ARL6IP5: variants seen among roughly 807,000 people sequenced by gnomAD.
The protein encoded by ARL6IP5 is ARF like GTPase 6 interacting protein 5.
Under a neutral mutation model 13.0 loss-of-function variants are expected in ARL6IP5, and 6 were observed. The ratio of observed to expected loss-of-function variants is 0.46; its 90% CI spans 0.25 to 0.91. ARL6IP5 has a LOEUF of 0.91. Among genes scored for constraint, ARL6IP5 ranks in the 40% least tolerant of loss-of-function variants. The pLI is 0.17. For missense variants in ARL6IP5, 208 were observed against 248.8 expected, an observed-to-expected ratio of 0.84 and a Z score of 1.10; for synonymous variants, 91 against 91.9, an observed-to-expected ratio of 0.99 and a Z score of 0.06.
At chr3:69,089,630 C>A (rs752799170) in intron 1 of ARL6IP5, among the ~76,000 whole-genome samples, 9 of 134,798 alleles carry the variant, frequency 6.7e-5, no homozygotes, top group Non-Finnish European at 9.6e-5. Flanking sequence ...CATAGTGAAA[C>A]CCTGTCTAAA....
chr3:69,090,069 G>A (rs2092260309), intron 1 of ARL6IP5: 1 of 243,594 alleles, frequency 4.1e-6, no homozygotes, highest in East Asian at 1.1e-4. Flanking sequence ...TAGGCCTGTG[G>A]CTCCCAGCAT....
chr3:69,086,182 A>G (rs2092246955), intron 1 of ARL6IP5, among the ~76,000 whole-genome samples: 1 of 152,166 alleles, frequency 6.6e-6, no homozygotes, highest in African/African-American at 2.4e-5. Context: ...CTGGCTTGGG[A>G]GAAAAGGGAG....
chr3:69,105,483 C>A lies in ARL6IP5; in HGVS notation c.*847C>A, dbSNP rs2092319740. On this transcript the variant is annotated 3_prime_UTR_variant, in exon 3 of 3. Transcript: ENST00000273258. The stretch of plus-strand genomic sequence containing the variant: ...CATTTTTGCATTGTTTCGTTTTTAA[C>A]TGGAACATTTAGAAAGAAGGAAATG... 6.6e-6 allele frequency: 1 copy of A among 152,138 alleles called. No individual in the cohort carries two copies. Among genetic ancestry groups the A allele is most frequent in the Admixed American group, 6.5e-5 (1 of 15,274 alleles). 9.4% of individuals were successfully genotyped at this position (152,138 alleles called of 1,614,324 possible).
At chr3:69,094,180 C>A (rs1377798304) in intron 1 of ARL6IP5, among the ~76,000 whole-genome samples, 1 of 152,170 alleles carries the variant, frequency 6.6e-6, no homozygotes, top group Non-Finnish European at 1.5e-5. Flanking sequence ...ACAAACCTGG[C>A]AGGTAGGCCA....
At chr3:69,103,172 C>T (rs1198453851) in intron 2 of ARL6IP5, among the ~76,000 whole-genome samples, 2 of 152,194 alleles carry the variant, frequency 1.3e-5, no homozygotes, top group African/African-American at 4.8e-5. Context: ...GAATTTTCTT[C>T]AGGTTTTCTG....
chr3:69,102,147 T>C (rs910324393), intron 2 of ARL6IP5, 91 bp downstream of exon 2: 6 of 1,390,088 alleles, frequency 4.3e-6, no homozygotes, highest in Non-Finnish European at 6.0e-6. Flanking sequence ...TTATATGTGT[T>C]GGCATGTCAG....
chr3:69,101,591 G>A (rs139109019), intron 1 of ARL6IP5, among the ~76,000 whole-genome samples: 509 of 152,158 alleles, frequency 3.3e-3, no homozygotes, highest in African/African-American at 0.012. Flanking sequence ...AAAGTGCTGG[G>A]ATTATAGGTG....
intron 1 of ARL6IP5, among the ~76,000 whole-genome samples, chr3:69,099,785 G>A (rs2107514507): frequency 6.6e-6 from 1 of 152,234 alleles, no homozygotes; most frequent in East Asian, 1.9e-4. Flanking sequence ...TCCTTCCCAA[G>A]TAAAGTCCTC....
chr3:69,094,609 T>C (rs1454865919), intron 1 of ARL6IP5, among the ~76,000 whole-genome samples: 2 of 152,136 alleles, frequency 1.3e-5, no homozygotes, highest in Admixed American at 6.5e-5. Context: ...AAATAGCTTT[T>C]TCGGCTAGAA....
At chr3:69,097,065 A>G (rs2092289621) in intron 1 of ARL6IP5, among the ~76,000 whole-genome samples, 2 of 152,146 alleles carry the variant, frequency 1.3e-5, no homozygotes, top group African/African-American at 4.8e-5. Flanking sequence ...ATGGCCATTG[A>G]AAAAAATATG....
chr3:69,086,010 C>T lies in ARL6IP5; in HGVS notation c.176+787C>T, dbSNP rs1252657471. Among the ~76,000 whole-genome samples, 3 of 152,202 alleles carry T rather than the reference C, an allele frequency of 2.0e-5. No individual in the cohort carries two copies. The East Asian group carries it at 5.8e-4, about 29-fold the overall frequency. ...CTAGTTCACCCTTTAAGAAATGCTT[C>T]TCTCGCTTATGCAGGATGGGTGGTG... On this transcript the variant is annotated intron_variant, in intron 1 of 2. Transcript: ENST00000273258.
intron 2 of ARL6IP5, among the ~76,000 whole-genome samples, chr3:69,102,768 G>C (rs547168969): frequency 6.6e-6 from 1 of 152,300 alleles, no homozygotes; most frequent in South Asian, 2.1e-4. Context: ...TTCTCCACTT[G>C]CTCAGGAGAT....
At position 69,084,967 on chromosome 3, in the gene ARL6IP5, A is replaced by G. The variant is rs2092242774; in HGVS notation, c.-81A>G. 1 of 1,534,760 alleles carries G rather than the reference A, an allele frequency of 6.5e-7. No individual in the cohort carries two copies. The highest frequency in any genetic ancestry group is 1.2e-5 in the South Asian group (1 of 81,360). ...GCCGACCGAGACGGAGCCGCTGTCA[A>G]CTCTCCAACTCAGCTCAGCTGATCG... On this transcript the variant is annotated 5_prime_UTR_variant, in exon 1 of 3. Coordinates refer to ENST00000273258, the MANE Select transcript of ARL6IP5 (RefSeq NM_006407.4).
chr3:69,101,271 C>T (rs937247793), intron 1 of ARL6IP5, among the ~76,000 whole-genome samples: 6 of 146,298 alleles, frequency 4.1e-5, no homozygotes, highest in African/African-American at 7.6e-5. Flanking sequence ...GGACCTCTAA[C>T]GAGATACTTT....
chr3:69,092,148 G>T (rs1164837757), intron 1 of ARL6IP5, among the ~76,000 whole-genome samples: 2 of 152,018 alleles, frequency 1.3e-5, no homozygotes, highest in Non-Finnish European at 2.9e-5. Context: ...AAACCTTCAG[G>T]CTAACAACTT....
At chr3:69,093,760 CAA>C (rs750066390) in intron 1 of ARL6IP5, among the ~76,000 whole-genome samples, 10 of 71,920 alleles carry the variant, frequency 1.4e-4, no homozygotes, top group Admixed American at 1.5e-4. Flanking sequence ...GATTCTGTCT[CAA>C]AAAAAAAAAA....
chr3:69,092,145 C>T lies in ARL6IP5; in HGVS notation c.176+6922C>T, dbSNP rs770548488. 3.0e-4 allele frequency among the ~76,000 whole-genome samples: 45 copies of T among 152,212 alleles called. 1 individual carries two copies. In the Middle Eastern group the frequency reaches 0.01, roughly 35 times the overall value. ...GCCCTGTAATTTTAGGCAAAACCTTCAGGCTAACAACTTCAGGTTTGCAAG... is the reference window on the plus strand; with the variant it reads ...GCCCTGTAATTTTAGGCAAAACCTTTAGGCTAACAACTTCAGGTTTGCAAG... On this transcript the variant is annotated intron_variant, in intron 1 of 2. Coordinates refer to ENST00000273258, the MANE Select transcript of ARL6IP5 (RefSeq NM_006407.4).
At chr3:69,098,849 C>A (rs2092295563) in intron 1 of ARL6IP5, among the ~76,000 whole-genome samples, 1 of 152,058 alleles carries the variant, frequency 6.6e-6, no homozygotes, top group Admixed American at 6.6e-5. Flanking sequence ...GTATACAATA[C>A]CACAGCTATT....
At chr3:69,095,196 G>A (rs981153373) in intron 1 of ARL6IP5, among the ~76,000 whole-genome samples, 1 of 152,088 alleles carries the variant, frequency 6.6e-6, no homozygotes, top group African/African-American at 2.4e-5. Flanking sequence ...CCTCAGTTTA[G>A]TTATCTGTAT....
Sources: gnomAD v4.1 joint callset for allele counts (sites outside exome capture counted in the v4.1 genomes callset) on GRCh38, gnomAD v4.1.1 for gene constraint, MANE v1.5 for transcripts, NCBI Gene and HGNC (gene_info 2026-07-23, HGNC 2026-07-21) for gene names.